Variants in MSR1 observed in about 807,000 individuals in gnomAD.
MSR1 encodes the protein macrophage scavenger receptor 1.
In MSR1, 53 loss-of-function variants were observed where a neutral mutation model predicts 47.2. The ratio of observed to expected loss-of-function variants is 1.12; its 90% CI spans 0.90 to 1.41. MSR1 has a LOEUF of 1.41. Ranked by LOEUF, MSR1 falls within the 40% of genes most tolerant of loss-of-function variation. The pLI, the probability that MSR1 is intolerant of heterozygous loss-of-function variation, is 0.00. For missense variants in MSR1, 786 were observed against 546.9 expected, an observed-to-expected ratio of 1.44 and a Z score of -4.36; for synonymous variants, 239 against 185.6, an observed-to-expected ratio of 1.29 and a Z score of -2.34.
intron 9 of MSR1, among the ~76,000 whole-genome samples, chr8:16,113,719 T>G (rs1799814279): frequency 6.6e-6 from 1 of 152,184 alleles, no homozygotes; most frequent in Non-Finnish European, 1.5e-5. Flanking sequence ...CTAACATAGC[T>G]TTAAGACTTT....
intron 8 of MSR1, among the ~76,000 whole-genome samples, chr8:16,131,875 G>C (rs1800268665): frequency 6.6e-6 from 1 of 151,880 alleles, no homozygotes. Context: ...TGCTGTTTTT[G>C]TTCTGTACCC....
intron 9 of MSR1, among the ~76,000 whole-genome samples, chr8:16,111,206 T>C (rs1799749140): frequency 6.6e-6 from 1 of 152,088 alleles, no homozygotes. Flanking sequence ...TACTTAAAAA[T>C]ACAGGCAAAT....
intron 1 of MSR1, chr8:16,186,328 T>C (rs1256939903): frequency 1.3e-6 from 1 of 786,068 alleles, no homozygotes; most frequent in African/African-American, 1.7e-5. Context: ...CCCTTGGTGA[T>C]CTCACTAGCC....
intron 5 of MSR1, among the ~76,000 whole-genome samples, chr8:16,158,481 T>C (rs1248654153): frequency 1.3e-5 from 2 of 152,098 alleles, no homozygotes; most frequent in East Asian, 3.9e-4. Flanking sequence ...GCACTAATAA[T>C]ATCTGACTAA....
intron 8 of MSR1, among the ~76,000 whole-genome samples, chr8:16,135,110 G>T (rs1273715835): frequency 6.6e-6 from 1 of 152,126 alleles, no homozygotes; most frequent in African/African-American, 2.4e-5. Context: ...ATCTAGTTAG[G>T]ATAATTGATG....
At chr8:16,172,458 C>A (rs1440727218) in intron 3 of MSR1, among the ~76,000 whole-genome samples, 1 of 151,952 alleles carries the variant, frequency 6.6e-6, no homozygotes, top group South Asian at 2.1e-4. Context: ...TTTATATTTT[C>A]AAAAGTTCAC....
intron 8 of MSR1, among the ~76,000 whole-genome samples, chr8:16,136,865 C>G (rs962160876): frequency 3.9e-4 from 59 of 152,020 alleles, no homozygotes; most frequent in African/African-American, 1.4e-3. Context: ...CCTCCCAAAG[C>G]GCTGGGATTA....
At chr8:16,183,717 A>G (rs563696036) in intron 1 of MSR1, among the ~76,000 whole-genome samples, 1 of 143,008 alleles carries the variant, frequency 7.0e-6, no homozygotes, top group East Asian at 2.0e-4. Context: ...AATACCATAT[A>G]TATTTGGCAA....
chr8:16,189,328 T>A (rs1228984350), intron 1 of MSR1, among the ~76,000 whole-genome samples: 2 of 119,888 alleles, frequency 1.7e-5, no homozygotes, highest in African/African-American at 6.5e-5. Flanking sequence ...TTATTTACAT[T>A]TCATATATAT....
chr8:16,127,008 G>A (rs915484075), intron 8 of MSR1, among the ~76,000 whole-genome samples: 2 of 152,036 alleles, frequency 1.3e-5, no homozygotes, highest in Non-Finnish European at 2.9e-5. Context: ...ACACATTATA[G>A]GTATTATTGA....
At chr8:16,191,530 A>T (rs1049915914) in intron 1 of MSR1, among the ~76,000 whole-genome samples, 16 of 150,732 alleles carry the variant, frequency 1.1e-4, no homozygotes, top group Non-Finnish European at 1.8e-4. Context: ...CTTTTTTTTT[A>T]AATATGAGCT....
At chr8:16,186,985 C>A (rs1283579638) in intron 1 of MSR1, among the ~76,000 whole-genome samples, 1 of 151,906 alleles carries the variant, frequency 6.6e-6, no homozygotes, top group African/African-American at 2.4e-5. Context: ...CACACACTTC[C>A]CAGAAGAATC....
Position 16,168,096 on chromosome 8 carries a change from A to G in MSR1, c.630+362T>C, listed in dbSNP as rs1243559231. Reference sequence around the variant, plus strand: ...AAAAAAAAAAATCTAAGCATATCAAATATGTCTGTTGCAAAATTCACACAT... The same window carrying G: ...AAAAAAAAAAATCTAAGCATATCAAGTATGTCTGTTGCAAAATTCACACAT... On this transcript the variant is annotated intron_variant, in intron 4 of 9. Transcript: ENST00000262101. 4.6e-5 allele frequency among the ~76,000 whole-genome samples: 7 copies of G among 152,220 alleles called. No individual in the cohort carries two copies. The East Asian group carries it at 1.3e-3, about 29-fold the overall frequency.
At chr8:16,182,151 G>T (rs1380784013) in intron 1 of MSR1, among the ~76,000 whole-genome samples, 1 of 152,194 alleles carries the variant, frequency 6.6e-6, no homozygotes, top group Non-Finnish European at 1.5e-5. Context: ...CCTGTAGGCA[G>T]TTGGAACACA....
chr8:16,188,983 T>C (rs1253794633), intron 1 of MSR1, among the ~76,000 whole-genome samples: 3,545 of 145,390 alleles, frequency 0.024, 180 homozygotes, highest in African/African-American at 0.079. Flanking sequence ...TATATATATA[T>C]ATATATATAT....
At chr8:16,170,176 CGT>C in intron 3 of MSR1, among the ~76,000 whole-genome samples, 1 of 152,062 alleles carries the variant, frequency 6.6e-6, no homozygotes, top group Non-Finnish European at 1.5e-5. Context: ...GATGAAACCC[CGT>C]CTCTGCTAAA....
chr8:16,156,223 T>A (rs1801001522), intron 5 of MSR1, among the ~76,000 whole-genome samples: 1 of 151,998 alleles, frequency 6.6e-6, no homozygotes, highest in African/African-American at 2.4e-5. Context: ...GGAAGCATTT[T>A]CAATTGCTAG....
chr8:16,166,053 C>T (rs1314139124), intron 4 of MSR1, among the ~76,000 whole-genome samples: 2 of 151,842 alleles, frequency 1.3e-5, no homozygotes, highest in Non-Finnish European at 2.9e-5. Context: ...TCGGGTAGTT[C>T]CAGACATTCA....
At chr8:16,175,378 T>C in intron 2 of MSR1, 78 bp from the exon 3 acceptor site, 2 of 1,151,508 alleles carry the variant, frequency 1.7e-6, no homozygotes, top group South Asian at 1.3e-5. Context: ...TAATCTCCAA[T>C]TATATTCTTA....
Sources: allele counts gnomAD v4.1 joint callset (sites outside exome capture counted in the v4.1 genomes callset), GRCh38; gene constraint gnomAD v4.1.1; transcripts MANE v1.5; gene names NCBI Gene and HGNC (gene_info 2026-07-23, HGNC 2026-07-21).